Variants in PTGER3 observed in about 807,000 individuals in gnomAD.
The protein encoded by PTGER3 is prostaglandin E2 receptor EP3 subtype.
A neutral mutation model predicts 34.7 loss-of-function variants in PTGER3; 22 were observed. That is an observed-to-expected ratio of 0.63 (90% CI 0.45 to 0.91). PTGER3 has a LOEUF of 0.91. Among genes scored for constraint, PTGER3 ranks in the 40% least tolerant of loss-of-function variants. The pLI is 0.00. For missense variants in PTGER3, 468 were observed against 519.4 expected, an observed-to-expected ratio of 0.90 and a Z score of 0.96; for synonymous variants, 241 against 230.1, an observed-to-expected ratio of 1.05 and a Z score of -0.43.
At chr1:70,966,578 A>T (rs1652540115), downstream of PTGER3, among the ~76,000 whole-genome samples, 1 of 151,930 alleles carries the variant, frequency 6.6e-6, no homozygotes, top group African/African-American at 2.4e-5. Context: ...CTATTGACCC[A>T]TCCTCTAAGT....
At chr1:70,922,098 G>A (rs1310631817) in intron 4 of PTGER3, among the ~76,000 whole-genome samples, 1 of 152,062 alleles carries the variant, frequency 6.6e-6, no homozygotes, top group African/African-American at 2.4e-5. Context: ...ATGCTTTAAG[G>A]TCATAAACTG....
chr1:70,896,082 C>T (rs867028815), intron 4 of PTGER3, among the ~76,000 whole-genome samples: 2 of 152,110 alleles, frequency 1.3e-5, no homozygotes, highest in South Asian at 4.1e-4. Context: ...AATCTCTTTT[C>T]TTCAAAATGA....
intron 2 of PTGER3, among the ~76,000 whole-genome samples, chr1:70,961,959 CT>C (rs1651973050): frequency 6.6e-6 from 1 of 152,158 alleles, no homozygotes; most frequent in Admixed American, 6.5e-5. Context: ...CTGTAAATGG[CT>C]TTCTTTGGAC....
At chr1:70,886,753 C>T (rs574892862) in intron 4 of PTGER3, among the ~76,000 whole-genome samples, 1 of 152,244 alleles carries the variant, frequency 6.6e-6, no homozygotes, top group East Asian at 1.9e-4. Context: ...TCTTTATCTC[C>T]AGGGCTAAGC....
chr1:70,973,821 A>G (rs919504456), intron 3 of PTGER3, among the ~76,000 whole-genome samples: 2 of 152,188 alleles, frequency 1.3e-5, no homozygotes, highest in Non-Finnish European at 2.9e-5. Flanking sequence ...CCAATCATAC[A>G]TGACATTTGG....
intron 2 of PTGER3, among the ~76,000 whole-genome samples, chr1:70,981,320 C>CT (rs1201937491): frequency 4.9e-4 from 35 of 71,368 alleles, no homozygotes; most frequent in African/African-American, 9.1e-4. Flanking sequence ...TCCTTCCTTT[C>CT]TTCTTTCTTT....
At chr1:71,016,073 C>T (rs1039308552) in intron 1 of PTGER3, among the ~76,000 whole-genome samples, 2 of 152,160 alleles carry the variant, frequency 1.3e-5, no homozygotes, top group Non-Finnish European at 1.5e-5. Flanking sequence ...GCTGGGATTA[C>T]AGGTATATGC....
chr1:70,951,958 C>G (rs561017184), downstream of PTGER3, among the ~76,000 whole-genome samples: 1 of 152,188 alleles, frequency 6.6e-6, no homozygotes, highest in Admixed American at 6.6e-5. Flanking sequence ...AGTACTTAAG[C>G]TGTTAACCAA....
At chr1:70,899,169 T>C (rs903916661) in intron 4 of PTGER3, among the ~76,000 whole-genome samples, 23 of 152,346 alleles carry the variant, frequency 1.5e-4, no homozygotes, top group African/African-American at 4.8e-4. Flanking sequence ...GGAATGTTTA[T>C]TAAACATCTG....
At chr1:70,907,803 C>T (rs1646980966) in intron 4 of PTGER3, among the ~76,000 whole-genome samples, 1 of 152,156 alleles carries the variant, frequency 6.6e-6, no homozygotes. Flanking sequence ...ATTAAAAACC[C>T]AGGTCTGTTT....
chr1:70,909,736 T>A (rs1366425384), intron 4 of PTGER3, among the ~76,000 whole-genome samples: 2 of 152,176 alleles, frequency 1.3e-5, no homozygotes, highest in Non-Finnish European at 2.9e-5. Flanking sequence ...TGAAAAAATA[T>A]TTTTCTGCAG....
intron 4 of PTGER3, among the ~76,000 whole-genome samples, chr1:70,894,309 C>CAAAAAA (rs35974984): frequency 1.2e-3 from 54 of 46,694 alleles, no homozygotes; most frequent in South Asian, 1.8e-3. Flanking sequence ...AACTCCATCT[C>CAAAAAA]AAAAAAAAAA....
At chr1:71,006,479 A>T in intron 2 of PTGER3, 1 of 985,444 alleles carries the variant, frequency 1.0e-6, no homozygotes, top group Non-Finnish European at 1.2e-6. Context: ...TACTATGAGC[A>T]AGGACAATTC....
intron 2 of PTGER3, 63 bp downstream of exon 2, chr1:71,012,242 A>C: frequency 3.1e-6 from 5 of 1,613,750 alleles, no homozygotes; most frequent in Non-Finnish European, 4.2e-6. Flanking sequence ...TTATTTCATT[A>C]GATAATGAGA....
intron 4 of PTGER3, among the ~76,000 whole-genome samples, chr1:70,920,728 G>C (rs1647442085): frequency 1.3e-5 from 2 of 152,174 alleles, no homozygotes; most frequent in Admixed American, 6.5e-5. Flanking sequence ...CATGTCCTAA[G>C]AACAAGGTAA....
At chr1:71,013,261 C>A (rs940863791) in intron 1 of PTGER3, among the ~76,000 whole-genome samples, 1 of 151,826 alleles carries the variant, frequency 6.6e-6, no homozygotes, top group Non-Finnish European at 1.5e-5. Flanking sequence ...ATATATTATA[C>A]AACATAAAAA....
intron 4 of PTGER3, among the ~76,000 whole-genome samples, chr1:70,905,708 A>G (rs772784069): frequency 6.6e-6 from 1 of 152,006 alleles, no homozygotes; most frequent in Non-Finnish European, 1.5e-5. Flanking sequence ...CTTGCTTTTG[A>G]TTTTACAGCC....
At chr1:71,010,642 A>G in intron 2 of PTGER3, 1 of 984,574 alleles carries the variant, frequency 1.0e-6, no homozygotes. Flanking sequence ...CTTATACCCA[A>G]TGAGATGACC....
chr1:70,929,946 C>T (rs761737041), intron 4 of PTGER3, among the ~76,000 whole-genome samples: 1 of 152,164 alleles, frequency 6.6e-6, no homozygotes, highest in Non-Finnish European at 1.5e-5. Flanking sequence ...GATCTCTTAT[C>T]AGCTTAGAAA....
Sources: gnomAD v4.1 joint callset for allele counts (sites outside exome capture counted in the v4.1 genomes callset) on GRCh38, gnomAD v4.1.1 for gene constraint, MANE v1.5 for transcripts, NCBI Gene and HGNC (gene_info 2026-07-23, HGNC 2026-07-21) for gene names.